The following GLT8D2 variants were observed in gnomAD, a reference collection of about 807,000 sequenced individuals.
The protein encoded by GLT8D2 is glycosyltransferase 8 domain-containing protein 2.
Under a neutral mutation model 44.5 loss-of-function variants are expected in GLT8D2, and 45 were observed. That is an observed-to-expected ratio of 1.01 (90% CI 0.80 to 1.30). GLT8D2 has a LOEUF of 1.30. Ranked by LOEUF, GLT8D2 falls within the 50% of genes most tolerant of loss-of-function variation. GLT8D2 has a pLI of 0.00. For missense variants in GLT8D2, 400 were observed against 430.4 expected, an observed-to-expected ratio of 0.93 and a Z score of 0.62; for synonymous variants, 156 against 157.2, an observed-to-expected ratio of 0.99 and a Z score of 0.06.
At chr12:104,048,017 T>C (rs1382490203) in intron 1 of GLT8D2, among the ~76,000 whole-genome samples, 2 of 152,260 alleles carry the variant, frequency 1.3e-5, no homozygotes, top group African/African-American at 4.8e-5. Context: ...AGAAACCATA[T>C]GGCTTATTAT....
At chr12:104,016,876 A>G (rs1394053262) in intron 3 of GLT8D2, among the ~76,000 whole-genome samples, 2 of 147,054 alleles carry the variant, frequency 1.4e-5, no homozygotes, top group Non-Finnish European at 3.0e-5. Context: ...GAAAGAAAGA[A>G]AGAAAGAAAA....
chr12:104,030,387 ATTAAT>A (rs1879103617), intron 1 of GLT8D2, among the ~76,000 whole-genome samples: 1 of 151,898 alleles, frequency 6.6e-6, no homozygotes, highest in African/African-American at 2.4e-5. Context: ...TTTATTATTT[ATTAAT>A]TTAATAATAA....
intron 1 of GLT8D2, among the ~76,000 whole-genome samples, chr12:104,027,697 C>T (rs995892893): frequency 6.6e-6 from 1 of 152,142 alleles, no homozygotes; most frequent in African/African-American, 2.4e-5. Context: ...ATTCTAACAC[C>T]TTTCAAGTGG....
chr12:104,026,206 G>A (rs751047938), intron 1 of GLT8D2, among the ~76,000 whole-genome samples: 19 of 148,330 alleles, frequency 1.3e-4, no homozygotes, highest in African/African-American at 1.7e-4. Flanking sequence ...TTGAACCTGC[G>A]AGAAGGGGGT....
chr12:104,037,706 T>C (rs2700495), intron 1 of GLT8D2, among the ~76,000 whole-genome samples: 66,778 of 151,954 alleles, frequency 0.44, 16,343 homozygotes, highest in Non-Finnish European at 0.54. Context: ...AGCCAAATTC[T>C]ACCAGAAGTA....
chr12:104,025,542 A>C (rs1031782332), intron 1 of GLT8D2, among the ~76,000 whole-genome samples: 2 of 152,112 alleles, frequency 1.3e-5, no homozygotes, highest in African/African-American at 4.8e-5. Flanking sequence ...TTTTGGTATC[A>C]TATCTAATAA....
At chr12:103,991,099 A>G (rs1872689912) in intron 10 of GLT8D2, among the ~76,000 whole-genome samples, 1 of 152,188 alleles carries the variant, frequency 6.6e-6, no homozygotes, top group Non-Finnish European at 1.5e-5. Context: ...AACCTTCAGC[A>G]CAGATGGAAG....
At chr12:104,010,260 T>C (rs913600661) in intron 4 of GLT8D2, among the ~76,000 whole-genome samples, 3 of 152,124 alleles carry the variant, frequency 2.0e-5, no homozygotes, top group Non-Finnish European at 4.4e-5. Context: ...CTCACCTCCT[T>C]CTATTTTAGC....
intron 1 of GLT8D2, among the ~76,000 whole-genome samples, chr12:104,046,529 T>A (rs187406022): frequency 6.6e-6 from 1 of 152,328 alleles, no homozygotes; most frequent in Non-Finnish European, 1.5e-5. Flanking sequence ...CCACTTTCCA[T>A]CGCTATGGTT....
At chr12:104,005,094 T>C in intron 4 of GLT8D2, among the ~76,000 whole-genome samples, 1 of 152,190 alleles carries the variant, frequency 6.6e-6, no homozygotes, top group Non-Finnish European at 1.5e-5. Context: ...TACAACCATC[T>C]GATCTTTGAC....
chr12:104,040,803 GC>G (rs1260991270), intron 1 of GLT8D2, among the ~76,000 whole-genome samples: 1 of 152,130 alleles, frequency 6.6e-6, no homozygotes. Flanking sequence ...CTTTTTAGAT[GC>G]TGTGTTGTGA....
intron 1 of GLT8D2, among the ~76,000 whole-genome samples, chr12:104,037,057 A>C (rs1372985662): frequency 6.6e-6 from 1 of 152,246 alleles, no homozygotes; most frequent in South Asian, 2.1e-4. Flanking sequence ...CTGCTCCTGA[A>C]GGACTACTGG....
chr12:104,032,466 CA>C (rs547392677), intron 1 of GLT8D2, among the ~76,000 whole-genome samples: 945 of 59,608 alleles, frequency 0.016, 3 homozygotes, highest in African/African-American at 0.03. Flanking sequence ...TGTGCAATAG[CA>C]AAAAAAAAAA....
chr12:104,044,052 C>G (rs1880838180), intron 1 of GLT8D2, among the ~76,000 whole-genome samples: 1 of 152,176 alleles, frequency 6.6e-6, no homozygotes, highest in Non-Finnish European at 1.5e-5. Context: ...CCTTCCAAGG[C>G]CTTCCTGTCT....
intron 5 of GLT8D2, among the ~76,000 whole-genome samples, chr12:104,001,223 C>T (rs1212582255): frequency 6.6e-6 from 1 of 152,170 alleles, no homozygotes; most frequent in Non-Finnish European, 1.5e-5. Flanking sequence ...GACAGAGTGC[C>T]TTCTTTCGTT....
At chr12:104,011,584 A>G (rs1039249441) in intron 4 of GLT8D2, among the ~76,000 whole-genome samples, 3 of 152,206 alleles carry the variant, frequency 2.0e-5, no homozygotes, top group Non-Finnish European at 2.9e-5. Flanking sequence ...GAGTGTCACA[A>G]TGGGGATATT....
chr12:104,023,892 G>T (rs1449885170), intron 1 of GLT8D2, among the ~76,000 whole-genome samples: 2 of 152,148 alleles, frequency 1.3e-5, no homozygotes, highest in African/African-American at 4.8e-5. Flanking sequence ...TTGCTGAATG[G>T]TATTCCGTTG....
intron 1 of GLT8D2, among the ~76,000 whole-genome samples, chr12:104,039,287 A>T (rs1160799468): frequency 6.6e-6 from 1 of 152,180 alleles, no homozygotes; most frequent in African/African-American, 2.4e-5. Context: ...AAGCCAAAAT[A>T]CACAAATGGG....
chr12:104,038,428 A>G (rs1449725441), intron 1 of GLT8D2, among the ~76,000 whole-genome samples: 1 of 152,258 alleles, frequency 6.6e-6, no homozygotes, highest in Non-Finnish European at 1.5e-5. Context: ...CCTTAAGCTG[A>G]TAAGCAACTT....
Sources: gnomAD v4.1 joint callset for allele counts (sites outside exome capture counted in the v4.1 genomes callset) on GRCh38, gnomAD v4.1.1 for gene constraint, MANE v1.5 for transcripts, NCBI Gene and HGNC (gene_info 2026-07-23, HGNC 2026-07-21) for gene names.